CNTN4: variants seen among roughly 807,000 people sequenced by gnomAD.
CNTN4 encodes the protein contactin-4.
In CNTN4, 77 loss-of-function variants were observed where a neutral mutation model predicts 122.5. The ratio of observed to expected loss-of-function variants is 0.63; its 90% CI spans 0.52 to 0.76. The LOEUF is 0.76. Ranked by LOEUF, CNTN4 falls within the 30% of genes least tolerant of loss-of-function variation. CNTN4 has a pLI of 0.00. For missense variants in CNTN4, 1,256 were observed against 1,259.1 expected, an observed-to-expected ratio of 1.00 and a Z score of 0.04; for synonymous variants, 512 against 447.0, an observed-to-expected ratio of 1.15 and a Z score of -1.83.
chr3:2,139,685 G>T (rs1057141773), intron 2 of CNTN4, among the ~76,000 whole-genome samples: 30 of 152,222 alleles, frequency 2.0e-4, no homozygotes, highest in Admixed American at 1.7e-3. Context: ...ATTCTTGCAA[G>T]ACTGCTTGGT....
chr3:2,211,801 A>G (rs2038634518), intron 2 of CNTN4, among the ~76,000 whole-genome samples: 1 of 152,178 alleles, frequency 6.6e-6, no homozygotes, highest in African/African-American at 2.4e-5. Flanking sequence ...TTTAACAAGC[A>G]TTTACCAAGT....
chr3:2,320,551 G>A (rs2043244035), intron 2 of CNTN4, among the ~76,000 whole-genome samples: 1 of 152,044 alleles, frequency 6.6e-6, no homozygotes, highest in Non-Finnish European at 1.5e-5. Flanking sequence ...CCTTCATAAT[G>A]TAACTTTATT....
At chr3:2,106,179 A>T (rs1242963215) in intron 2 of CNTN4, among the ~76,000 whole-genome samples, 1 of 152,124 alleles carries the variant, frequency 6.6e-6, no homozygotes, top group Admixed American at 6.5e-5. Context: ...GCTGGAGTTG[A>T]GTGTCTGCTT....
At chr3:2,300,702 G>C (rs1345105295) in intron 2 of CNTN4, among the ~76,000 whole-genome samples, 1 of 150,412 alleles carries the variant, frequency 6.6e-6, no homozygotes, top group East Asian at 2.0e-4. Context: ...CTCTCGAGTA[G>C]CTGGGATCAC....
At chr3:2,905,383 C>G (rs1179867540) in intron 12 of CNTN4, among the ~76,000 whole-genome samples, 1 of 152,134 alleles carries the variant, frequency 6.6e-6, no homozygotes, top group African/African-American at 2.4e-5. Context: ...CGGTGAAGTC[C>G]CCCTTCTGGG....
At chr3:2,655,824 A>G (rs1189241971) in intron 4 of CNTN4, among the ~76,000 whole-genome samples, 1 of 152,198 alleles carries the variant, frequency 6.6e-6, no homozygotes, top group Non-Finnish European at 1.5e-5. Context: ...CTGCGGGATT[A>G]CCAAGACTGT....
At chr3:2,307,506 T>C (rs1259830555) in intron 2 of CNTN4, among the ~76,000 whole-genome samples, 1 of 152,178 alleles carries the variant, frequency 6.6e-6, no homozygotes, top group African/African-American at 2.4e-5. Context: ...AGCTTTCATC[T>C]TTTACTGATA....
chr3:3,027,432 A>G (rs867972254), intron 15 of CNTN4, among the ~76,000 whole-genome samples: 26 of 152,292 alleles, frequency 1.7e-4, no homozygotes, highest in African/African-American at 6.3e-4. Flanking sequence ...CCTCTTTCAC[A>G]TGGTTCAGCT....
chr3:2,625,629 G>A (rs1396679484), intron 4 of CNTN4, among the ~76,000 whole-genome samples: 1 of 152,102 alleles, frequency 6.6e-6, no homozygotes, highest in East Asian at 1.9e-4. Context: ...CTCAGCTTAA[G>A]TTCCTGAGAT....
rs577042534 is a variant in CNTN4, at chr3:2,699,090, T to C, written c.56-37125T>C. Among the ~76,000 whole-genome samples the C allele has an allele frequency of 1.7e-4, 26 of 152,252 alleles. No homozygotes were observed. In the East Asian group the frequency reaches 4.1e-3, roughly 24 times the overall value. On this transcript the variant is annotated intron_variant, in intron 4 of 24. Coordinates refer to ENST00000418658, the MANE Select transcript of CNTN4 (RefSeq NM_175607.3). ...CCTGTCCCAGGTATTTTATTTCTAATTGGGAGACTAGCTTAATGCTTGGAA... is the reference window on the plus strand; with the variant it reads ...CCTGTCCCAGGTATTTTATTTCTAACTGGGAGACTAGCTTAATGCTTGGAA...
At chr3:2,436,628 G>T (rs1228852270) in intron 3 of CNTN4, among the ~76,000 whole-genome samples, 1 of 151,758 alleles carries the variant, frequency 6.6e-6, no homozygotes, top group African/African-American at 2.4e-5. Context: ...ATGTTTGGTT[G>T]GGATGTTAAC....
chr3:2,228,535 C>G (rs962642255), intron 2 of CNTN4, among the ~76,000 whole-genome samples: 11 of 151,958 alleles, frequency 7.2e-5, no homozygotes, highest in African/African-American at 2.2e-4. Context: ...AGCAAATAAA[C>G]AAAACATCAT....
intron 3 of CNTN4, among the ~76,000 whole-genome samples, chr3:2,341,662 G>A (rs145460435): frequency 3.3e-5 from 5 of 152,334 alleles, no homozygotes; most frequent in African/African-American, 1.2e-4. Context: ...GATTGTAAAA[G>A]TTGTAGTCTG....
intron 2 of CNTN4, among the ~76,000 whole-genome samples, chr3:2,244,621 C>A: frequency 6.6e-6 from 1 of 151,986 alleles, no homozygotes; most frequent in East Asian, 1.9e-4. Flanking sequence ...TACTTTTTAA[C>A]TGTTACTGCT....
At chr3:2,412,417 G>A (rs989928368) in intron 3 of CNTN4, among the ~76,000 whole-genome samples, 9 of 151,940 alleles carry the variant, frequency 5.9e-5, no homozygotes, top group African/African-American at 2.2e-4. Flanking sequence ...ATGCCCAGCT[G>A]ATTTTTTGTA....
intron 6 of CNTN4, among the ~76,000 whole-genome samples, chr3:2,810,498 T>G (rs1028879379): frequency 6.6e-6 from 1 of 152,206 alleles, no homozygotes; most frequent in Non-Finnish European, 1.5e-5. Flanking sequence ...TTTTGCTAAA[T>G]AGAGGATTGC....
chr3:2,296,595 G>T (rs1378165350), intron 2 of CNTN4, among the ~76,000 whole-genome samples: 1 of 152,074 alleles, frequency 6.6e-6, no homozygotes, highest in Non-Finnish European at 1.5e-5. Flanking sequence ...AGAATGATTT[G>T]TCTCAGGGTG....
chr3:2,177,115 C>G (rs1040692250), intron 2 of CNTN4, among the ~76,000 whole-genome samples: 4 of 152,066 alleles, frequency 2.6e-5, no homozygotes, highest in African/African-American at 9.7e-5. Flanking sequence ...ATGAATAATA[C>G]TAGACCGTGT....
At chr3:2,599,582 C>T (rs1476978822) in intron 4 of CNTN4, among the ~76,000 whole-genome samples, 1 of 152,162 alleles carries the variant, frequency 6.6e-6, no homozygotes, top group African/African-American at 2.4e-5. Context: ...TCAGACAGCC[C>T]ATCTGCTCAG....
Sources: allele counts gnomAD v4.1 joint callset (sites outside exome capture counted in the v4.1 genomes callset), GRCh38; gene constraint gnomAD v4.1.1; transcripts MANE v1.5; gene names NCBI Gene and HGNC (gene_info 2026-07-23, HGNC 2026-07-21).